PLP1: variants seen among roughly 807,000 people sequenced by gnomAD.
The protein encoded by PLP1 is proteolipid protein 1, also known as myelin proteolipid protein.
PLP1 carries 2 observed loss-of-function variants against 18.5 expected under a neutral mutation model. The ratio of observed to expected loss-of-function variants is 0.11; its 90% confidence interval spans 0.04 to 0.34. The LOEUF (loss-of-function observed/expected upper bound fraction) is 0.34, where lower values mean the gene tolerates loss of function less well. PLP1 is among the 10% of genes least tolerant of loss of function. PLP1 has a pLI of 1.00. For synonymous variants in PLP1, 86 were observed against 83.2 expected, an observed-to-expected ratio of 1.03 and a Z score of -0.19; for missense variants, 105 against 207.3, an observed-to-expected ratio of 0.51 and a Z score of 3.03.
intron 2 of PLP1, 152 bp downstream of exon 2, chrX:103,785,920 C>T: frequency 1.6e-5 from 11 of 702,725 alleles, no homozygotes; most frequent in Non-Finnish European, 2.2e-5. Flanking sequence ...ATCTCTCCTG[C>T]TCCACATTCG....
rs187444920 is a variant in PLP1 at position 103,781,309 on chromosome X, T to A, written c.5-4273T>A. On this transcript the variant is annotated intron_variant, in intron 1 of 6. Coordinates refer to ENST00000621218, the MANE Select transcript of PLP1 (RefSeq NM_000533.5). ...GTCCCTTGATGAACCTGGATCTGTG[T>A]AAGTCACATTGGTTCTGTTGATCTC... 12 of 325,867 alleles carry A rather than the reference T, an allele frequency of 3.7e-5. No individual in the cohort carries two copies. The Admixed American group carries it at 3.8e-4, about 10-fold the overall frequency. The allele number at this position is 325,867 out of a possible 1,213,427, so 26.9% of individuals were successfully genotyped here.
intron 1 of PLP1, chrX:103,781,277 C>T (rs1444720346): frequency 3.1e-6 from 1 of 325,223 alleles, no homozygotes; most frequent in Non-Finnish European, 6.0e-6. Context: ...GCATCAGGAT[C>T]AACACAGTCC....
Position 103,790,537 on chromosome X carries a change from T to C in PLP1, c.773T>C (p.Met258Thr). 1 of 1,207,075 alleles carries C rather than the reference T, an allele frequency of 8.3e-7. No homozygotes were observed. Among genetic ancestry groups the C allele is most frequent in the Non-Finnish European group, 1.1e-6 (1 of 891,004 alleles). The change falls in exon 7 of 7, where the codon ATG becomes ACG. Residue 258 changes from methionine to threonine, a missense_variant. Coordinates refer to ENST00000621218, the MANE Select transcript of PLP1 (RefSeq NM_000533.5). ...AATLVSLLTF[M>T]IAATYNFAVL... ...TTCTGTTCCCTACAGCTCACCTTCATGATTGCTGCCACTTACAACTTTGCC... is the reference window on the plus strand; with the variant it reads ...TTCTGTTCCCTACAGCTCACCTTCACGATTGCTGCCACTTACAACTTTGCC...
At chrX:103,784,545 A>G (rs1442794693) in intron 1 of PLP1, among the ~76,000 whole-genome samples, 1 of 112,001 alleles carries the variant, frequency 8.9e-6, no homozygotes, top group Non-Finnish European at 1.9e-5. Context: ...TGCTCCTCCC[A>G]TATGTAAACT....
intron 5 of PLP1, 38 bp downstream of exon 5, chrX:103,788,548 C>T: frequency 1.0e-6 from 1 of 987,241 alleles, no homozygotes; most frequent in Non-Finnish European, 1.4e-6. Flanking sequence ...AAGGGAGTAG[C>T]TAATACCATA....
At chrX:103,788,721 CT>C in intron 5 of PLP1, 1 of 433,403 alleles carries the variant, frequency 2.3e-6, no homozygotes, top group East Asian at 3.8e-5. Flanking sequence ...GAAAGACTTC[CT>C]TTCCAACCCT....
At chrX:103,787,570 C>T (rs2741964) in intron 3 of PLP1, 10 of 443,278 alleles carry the variant, frequency 2.3e-5, no homozygotes, top group Non-Finnish European at 3.9e-5. Context: ...ATCCTCCTCA[C>T]TCTTCCCCTA....
At chrX:103,782,390 G>A (rs993833233) in intron 1 of PLP1, among the ~76,000 whole-genome samples, 1 of 111,892 alleles carries the variant, frequency 8.9e-6, no homozygotes, top group African/African-American at 3.3e-5. Flanking sequence ...CAAGTTCTAA[G>A]AAAATAGAGG....
chrX:103,786,552 C>T lies in PLP1; in HGVS notation c.279C>T (p.Thr93=), dbSNP rs2074498530. 1 of 1,211,376 alleles carries T rather than the reference C, an allele frequency of 8.3e-7. No homozygotes were observed. The highest frequency in any genetic ancestry group is 1.1e-6 in the Non-Finnish European group (1 of 895,257). ...TCCTGCTGGCTGAGGGCTTCTACAC[C>T]ACCGGCGCAGTCAGGCAGATCTTTG... ...GALLLAEGFY[T]TGAVRQIFGD... Residue 93 remains threonine (T), a synonymous_variant, in exon 3 of 7, where the codon ACC becomes ACT. Coordinates refer to ENST00000621218, the MANE Select transcript of PLP1 (RefSeq NM_000533.5).
chrX:103,783,347 CTA>C (rs1444895075), intron 1 of PLP1, among the ~76,000 whole-genome samples: 1 of 112,549 alleles, frequency 8.9e-6, no homozygotes, highest in African/African-American at 3.2e-5. Context: ...AGCAGCACAG[CTA>C]CAGATTGCTT....
intron 5 of PLP1, 65 bp downstream of exon 5, chrX:103,788,575 C>T: frequency 2.4e-6 from 2 of 843,242 alleles, no homozygotes; most frequent in Non-Finnish European, 3.6e-6. Flanking sequence ...ACACCCATGG[C>T]CTTCAATTTT....
intron 1 of PLP1, among the ~76,000 whole-genome samples, chrX:103,784,965 G>A (rs1338747046): frequency 1.8e-5 from 2 of 112,312 alleles, no homozygotes; most frequent in African/African-American, 3.2e-5. Flanking sequence ...TAAGAAAGAA[G>A]GGACTGATTT....
chrX:103,781,169 C>A, intron 1 of PLP1: 1 of 243,031 alleles, frequency 4.1e-6, no homozygotes, highest in Non-Finnish European at 8.1e-6. Flanking sequence ...CAGATTCACA[C>A]TGAATTTCCA....
chrX:103,792,314 AAGG>A lies in PLP1; in HGVS notation c.*1722_*1724del, dbSNP rs1481172784. The A allele has an allele frequency of 8.9e-6, 1 of 112,331 alleles. No individual in the cohort carries two copies. The highest frequency in any genetic ancestry group is 1.9e-5 in the Non-Finnish European group (1 of 53,215). The allele number at this position is 112,331 out of a possible 1,213,427, so 9.3% of individuals were successfully genotyped here. Reference sequence around the variant, plus strand: ...CAAGATAAGCTTCCAGGCTGCATAGAAGGAGGAGAGGGAAAATGTTTTGTAAGA... The same window carrying A: ...CAAGATAAGCTTCCAGGCTGCATAGAAGGAGAGGGAAAATGTTTTGTAAGA... On this transcript the variant is annotated 3_prime_UTR_variant, in exon 7 of 7. Transcript: ENST00000621218.
At chrX:103,789,064 T>C in intron 5 of PLP1, 1 of 395,183 alleles carries the variant, frequency 2.5e-6, no homozygotes. Flanking sequence ...TTTGGGCCCC[T>C]GGGCACAACT....
At chrX:103,786,765 G>A (rs1306978656) in intron 3 of PLP1, 39 bp downstream of exon 3, 1 of 1,197,461 alleles carries the variant, frequency 8.4e-7, no homozygotes, top group Non-Finnish European at 1.1e-6. Context: ...AACAAGGGGT[G>A]GGGGAAAATT....
intron 1 of PLP1, chrX:103,780,693 T>C (rs1377997289): frequency 1.8e-5 from 2 of 111,941 alleles, no homozygotes; most frequent in African/African-American, 6.5e-5. Flanking sequence ...AAAAGGGATA[T>C]GTAGGAAAGA....
chrX:103,779,624 G>T (rs937185333), intron 1 of PLP1, among the ~76,000 whole-genome samples: 12 of 111,902 alleles, frequency 1.1e-4, no homozygotes, highest in Admixed American at 4.7e-4. Context: ...AGTTTGAAAG[G>T]TCTACCCTGC....
In PLP1 at chrX:103,785,695, C is replaced by T; in HGVS notation, c.118C>T (p.Leu40Phe). The T allele has an allele frequency of 8.3e-7, 1 of 1,209,519 alleles. No individual in the cohort carries two copies. Among genetic ancestry groups the T allele is most frequent in the Non-Finnish European group, 1.1e-6 (1 of 893,462 alleles). ...ALFCGCGHEA[L>F]TGTEKLIETY... The stretch of plus-strand genomic sequence containing the variant: ...GTTCTGTGGCTGTGGACATGAAGCC[C>T]TCACTGGCACAGAAAAGCTAATTGA... The change falls in exon 2 of 7, where the codon CTC (leucine) becomes TTC (phenylalanine). Residue 40 changes from leucine (L) to phenylalanine (F), a missense_variant. Coordinates refer to ENST00000621218, the MANE Select transcript of PLP1 (RefSeq NM_000533.5).
Sources: allele counts gnomAD v4.1 joint callset (sites outside exome capture counted in the v4.1 genomes callset), GRCh38; gene constraint gnomAD v4.1.1; transcripts MANE v1.5; gene names NCBI Gene and HGNC (gene_info 2026-07-23, HGNC 2026-07-21).